Variants in MYOM1 observed in about 807,000 individuals in gnomAD.
MYOM1 encodes the protein myomesin-1.
In MYOM1, 164 loss-of-function variants were observed where a neutral mutation model predicts 205.3. The ratio of observed to expected loss-of-function variants is 0.80; its 90% CI spans 0.70 to 0.91. The LOEUF is 0.91. Ranked by LOEUF, MYOM1 falls within the 40% of genes least tolerant of loss-of-function variation. The probability of loss-of-function intolerance (pLI) is 0.00; values close to 1 mark genes in which losing one functional copy is unlikely to be tolerated. For missense variants in MYOM1, 2,011 were observed against 2,127.3 expected (o/e 0.95, Z 1.08); for synonymous variants, 772 against 789.4 (o/e 0.98, Z 0.37).
Position 3,174,594 on chromosome 18 carries a change from G to A in MYOM1, c.1023-386C>T, listed in dbSNP as rs2080609080. 2.0e-5 allele frequency among the ~76,000 whole-genome samples: 3 copies of A among 152,182 alleles called. No homozygotes were observed. The South Asian group carries it at 6.2e-4, about 31-fold the overall frequency. On this transcript the variant is annotated intron_variant, in intron 6 of 37. Coordinates refer to ENST00000356443, the MANE Select transcript of MYOM1 (RefSeq NM_003803.4). Reference sequence around the variant, plus strand: ...TTGGGAGGAGAAAATGTGCAGGCGTGTACCTTTGTAGCAAGTAACTACCCA... The same window carrying A: ...TTGGGAGGAGAAAATGTGCAGGCGTATACCTTTGTAGCAAGTAACTACCCA...
At chr18:3,184,216 CT>C (rs929383348) in intron 5 of MYOM1, among the ~76,000 whole-genome samples, 9 of 152,022 alleles carry the variant, frequency 5.9e-5, no homozygotes, top group African/African-American at 1.9e-4. Context: ...CAGTTAATGA[CT>C]TTTTAAAAAC....
chr18:3,104,745 C>CTTTTTTTTTT (rs745369627), intron 22 of MYOM1, among the ~76,000 whole-genome samples: 7 of 80,596 alleles, frequency 8.7e-5, no homozygotes, highest in Non-Finnish European at 1.1e-4. Flanking sequence ...GAATTGGAAT[C>CTTTTTTTTTT]TTTTTTTTTT....
At chr18:3,077,339 C>T (rs1426537487) in intron 34 of MYOM1, among the ~76,000 whole-genome samples, 1 of 152,018 alleles carries the variant, frequency 6.6e-6, no homozygotes, top group Admixed American at 6.6e-5. Context: ...TTTTGAAATC[C>T]CTCTCACCTC....
rs534492127 is a variant in MYOM1, at chr18:3,185,305, C to T, written c.929+2175G>A. ...ATGCTTAGGAATTGAATGTTTATCT[C>T]CCAGAAGCTACTTTGTATCCTTTTG... is the stretch of plus-strand genomic sequence containing the variant. On this transcript the variant is annotated intron_variant, in intron 5 of 37. Transcript: ENST00000356443. Among the ~76,000 whole-genome samples the T allele has an allele frequency of 1.0e-3, 158 of 152,174 alleles. 4 individuals carry two copies. The highest frequency in any genetic ancestry group is 9.4e-4 in the Non-Finnish European group (64 of 68,030).
intron 29 of MYOM1, among the ~76,000 whole-genome samples, chr18:3,087,437 TC>T (rs1205078200): frequency 4.0e-5 from 6 of 151,460 alleles, no homozygotes; most frequent in Admixed American, 4.0e-4. Flanking sequence ...ACATGTGGAC[TC>T]CTGAGGGAGA....
At chr18:3,196,780 G>C (rs1041426329) in intron 2 of MYOM1, among the ~76,000 whole-genome samples, 1 of 152,186 alleles carries the variant, frequency 6.6e-6, no homozygotes, top group South Asian at 2.1e-4. Flanking sequence ...CCACAGGGAA[G>C]AGATGTAGCC....
At chr18:3,205,630 G>A (rs1323044538) in intron 2 of MYOM1, among the ~76,000 whole-genome samples, 1 of 152,150 alleles carries the variant, frequency 6.6e-6, no homozygotes, top group African/African-American at 2.4e-5. Context: ...AGGTAAAACA[G>A]TACAACCACT....
chr18:3,102,385 A>G (rs1354704754), intron 23 of MYOM1, 89 bp downstream of exon 23: 2 of 1,286,492 alleles, frequency 1.6e-6, no homozygotes, highest in Non-Finnish European at 2.1e-6. Flanking sequence ...TCATCCTCTT[A>G]TTCCAAGCAA....
chr18:3,205,776 G>GTATA (rs537097877), intron 2 of MYOM1, among the ~76,000 whole-genome samples: 1 of 152,078 alleles, frequency 6.6e-6, no homozygotes, highest in East Asian at 1.9e-4. Flanking sequence ...CGTTCACAAT[G>GTATA]TATATACATA....
In MYOM1 at chr18:3,198,652, C is replaced by A. The variant is rs765821584; in HGVS notation, c.291-4694G>T. Among the ~76,000 whole-genome samples, 3 of 151,948 alleles carry A rather than the reference C, an allele frequency of 2.0e-5. No homozygotes were observed. The East Asian group carries it at 5.8e-4, about 29-fold the overall frequency. ...TACAAAACTTAGCTGGGCGTGGTGGCGGGCGCCTGTAATCCCAGCTACTAA... is the reference window on the plus strand; with the variant it reads ...TACAAAACTTAGCTGGGCGTGGTGGAGGGCGCCTGTAATCCCAGCTACTAA... On this transcript the variant is annotated intron_variant, in intron 2 of 37. Transcript: ENST00000356443.
the MYOM1 span, among the ~76,000 whole-genome samples, chr18:3,241,662 C>T: frequency 1.3e-5 from 2 of 152,244 alleles, no homozygotes; most frequent in Admixed American, 6.5e-5. Flanking sequence ...CTCAGTGGAG[C>T]TGTGAGAAGA....
Position 3,135,784 on chromosome 18 carries a change from C to G in MYOM1, c.2026-54G>C, listed in dbSNP as rs372478956. 3.8e-6 allele frequency: 6 copies of G among 1,593,554 alleles called. No individual in the cohort carries two copies. The highest frequency in any genetic ancestry group is 8.6e-7 in the Non-Finnish European group (1 of 1,166,290). On this transcript the variant is annotated intron_variant, in intron 14 of 37. Transcript: ENST00000356443. The surrounding 1 kb of genome is among the most constrained non-coding windows in gnomAD (Gnocchi z 4.1). ...AAGCACAGCAAACACAAGCGAGAATCCAGGCCAGGCAACTCCAAGTTTCAT... is the reference window on the plus strand; with the variant it reads ...AAGCACAGCAAACACAAGCGAGAATGCAGGCCAGGCAACTCCAAGTTTCAT...
At chr18:3,141,893 A>C in intron 14 of MYOM1, 46 bp downstream of exon 14, 1 of 1,609,170 alleles carries the variant, frequency 6.2e-7, no homozygotes, top group South Asian at 1.1e-5. Flanking sequence ...TTTCTAAAGA[A>C]ATCCTTAGGA....
At chr18:3,178,058 T>C (rs2080674239) in intron 5 of MYOM1, among the ~76,000 whole-genome samples, 2 of 152,172 alleles carry the variant, frequency 1.3e-5, no homozygotes, top group African/African-American at 4.8e-5. Context: ...CAGTAGCCAG[T>C]GGCTATGGTG....
the MYOM1 span, among the ~76,000 whole-genome samples, chr18:3,237,598 CAAAAAAA>C: frequency 1.9e-5 from 1 of 53,622 alleles, no homozygotes; most frequent in Non-Finnish European, 3.4e-5. Context: ...GACTCCGTCT[CAAAAAAA>C]AAAAAAAAAA....
At chr18:3,082,020 G>A (rs560167834) in intron 33 of MYOM1, among the ~76,000 whole-genome samples, 7 of 152,294 alleles carry the variant, frequency 4.6e-5, no homozygotes, top group East Asian at 1.9e-4. Flanking sequence ...GATGACTCAA[G>A]CACATAACAT....
intron 19 of MYOM1, among the ~76,000 whole-genome samples, chr18:3,126,323 C>CTA (rs748828911): frequency 3.7e-5 from 5 of 135,752 alleles, no homozygotes; most frequent in African/African-American, 1.3e-4. Context: ...TCCTGGGAAT[C>CTA]TTTTTTTTTT....
At chr18:3,232,072 G>C in the MYOM1 span, among the ~76,000 whole-genome samples, 1 of 151,762 alleles carries the variant, frequency 6.6e-6, no homozygotes, top group African/African-American at 2.4e-5. Flanking sequence ...ACTCACACCT[G>C]TAATCCCAGC....
At chr18:3,199,532 A>T in intron 2 of MYOM1, among the ~76,000 whole-genome samples, 1 of 152,230 alleles carries the variant, frequency 6.6e-6, no homozygotes, top group Non-Finnish European at 1.5e-5. Context: ...AAGCAAAACC[A>T]GATTTACGTA....
Sources: allele counts gnomAD v4.1 joint callset (sites outside exome capture counted in the v4.1 genomes callset), GRCh38; gene constraint gnomAD v4.1.1; non-coding constraint Gnocchi (gnomAD v3.1); transcripts MANE v1.5; gene names NCBI Gene and HGNC (gene_info 2026-07-23, HGNC 2026-07-21).